The following NCKAP5 variants were observed in gnomAD, a reference collection of about 807,000 sequenced individuals.
The protein encoded by NCKAP5 is nck-associated protein 5.
In NCKAP5, 92 loss-of-function variants were observed where a neutral mutation model predicts 167.0. That is an observed-to-expected ratio of 0.55 (90% CI 0.47 to 0.66). The LOEUF (loss-of-function observed/expected upper bound fraction) is 0.66. NCKAP5 is among the 30% of genes least tolerant of loss of function. The probability of loss-of-function intolerance (pLI) is 0.00; values close to 1 mark genes in which losing one functional copy is unlikely to be tolerated. For missense variants in NCKAP5, 2,378 were observed against 2,315.0 expected (o/e 1.03, Z -0.56); for synonymous variants, 891 against 877.4 (o/e 1.02, Z -0.27).
Position 133,213,735 on chromosome 2 carries a change from C to T in NCKAP5, c.188G>A (p.Arg63Lys), listed in dbSNP as rs745520966. The T allele has an allele frequency of 6.2e-7, 1 of 1,613,768 alleles. No individual in the cohort carries two copies. Among genetic ancestry groups the T allele is most frequent in the Non-Finnish European group, 8.5e-7 (1 of 1,179,790 alleles). The change falls in exon 5 of 20, where the codon AGA (arginine) becomes AAA (lysine). Residue 63 changes from arginine to lysine, a missense_variant. Physicochemically the swap from Arg to Lys is conservative, Grantham distance 26. Around this residue, in one of 3 missense-constraint regions of NCKAP5, gnomAD observed 1,049 missense variants for 1,023.4 expected, o/e 1.02. Transcript: ENST00000409261. The stretch of plus-strand genomic sequence containing the variant: ...ACTTACCATGGCCCCCTCACTTGTT[C>T]TTTGGGCAACTTCTCGCTGTAGTCG... ...VARLQREVAQ[R>K]TSEGAMHEKL...
chr2:133,118,006 G>C (rs1401641931), intron 6 of NCKAP5: 2 of 152,156 alleles, frequency 1.3e-5, no homozygotes, highest in Non-Finnish European at 2.9e-5. Context: ...TTTGTATTCT[G>C]TTCTCTGAAC....
At chr2:132,943,390 A>G (rs1463224567) in intron 8 of NCKAP5, among the ~76,000 whole-genome samples, 1 of 152,258 alleles carries the variant, frequency 6.6e-6, no homozygotes, top group South Asian at 2.1e-4. Flanking sequence ...CATTAAATGT[A>G]AAAATGTGCC....
chr2:133,250,919 G>A (rs1243872095), intron 4 of NCKAP5, among the ~76,000 whole-genome samples: 1 of 151,718 alleles, frequency 6.6e-6, no homozygotes, highest in African/African-American at 2.4e-5. Context: ...GACAGGGTGA[G>A]ACCCTGTCTC....
At chr2:133,126,455 A>G (rs899982368) in intron 6 of NCKAP5, among the ~76,000 whole-genome samples, 1 of 152,212 alleles carries the variant, frequency 6.6e-6, no homozygotes, top group Non-Finnish European at 1.5e-5. Context: ...AGAGTACCGG[A>G]GTAGTTCCTA....
At chr2:133,546,314 T>C (rs1686671607) in intron 2 of NCKAP5, among the ~76,000 whole-genome samples, 1 of 151,998 alleles carries the variant, frequency 6.6e-6, no homozygotes, top group South Asian at 2.1e-4. Context: ...GCCCAAGAGA[T>C]TATGTATTTT....
At chr2:133,351,227 G>GAA (rs367559407) in intron 3 of NCKAP5, among the ~76,000 whole-genome samples, 43 of 147,256 alleles carry the variant, frequency 2.9e-4, no homozygotes, top group African/African-American at 1.0e-3. Flanking sequence ...CAGGAAAAAG[G>GAA]AAAAAAAAAA....
At chr2:133,119,537 T>A (rs2082188143) in intron 6 of NCKAP5, among the ~76,000 whole-genome samples, 1 of 152,130 alleles carries the variant, frequency 6.6e-6, no homozygotes, top group South Asian at 2.1e-4. Flanking sequence ...AGAGAATAAT[T>A]TGAATGTTTC....
At chr2:133,510,540 T>A (rs371452286) in intron 3 of NCKAP5, among the ~76,000 whole-genome samples, 96 of 152,266 alleles carry the variant, frequency 6.3e-4, no homozygotes, top group African/African-American at 2.2e-3. Flanking sequence ...CCTTCCCACC[T>A]CCATTCCTTT....
At position 133,092,602 on chromosome 2, in the gene NCKAP5, C is replaced by T. The variant is rs987086604; in HGVS notation, c.341+37376G>A. Among the ~76,000 whole-genome samples the T allele has an allele frequency of 1.8e-4, 27 of 151,656 alleles. No homozygotes were observed. The East Asian group carries it at 2.3e-3, about 13-fold the overall frequency. On this transcript the variant is annotated intron_variant, in intron 6 of 19. Transcript: ENST00000409261. The stretch of plus-strand genomic sequence containing the variant: ...CTAAAATAACATAATTTTTTTTCAA[C>T]GTCATTTCATTTTAACATTGATGAG...
intron 3 of NCKAP5, among the ~76,000 whole-genome samples, chr2:133,467,313 T>C (rs1692677206): frequency 6.6e-6 from 1 of 152,066 alleles, no homozygotes; most frequent in Non-Finnish European, 1.5e-5. Flanking sequence ...GGATTACATT[T>C]ATTGATTTGC....
intron 4 of NCKAP5, among the ~76,000 whole-genome samples, chr2:133,226,673 A>T (rs1189920454): frequency 5.3e-5 from 8 of 151,194 alleles, no homozygotes; most frequent in Non-Finnish European, 1.0e-4. Context: ...GAAAGCATAC[A>T]TTGAGGTGAC....
chr2:133,237,975 G>A (rs1184046640), intron 4 of NCKAP5, among the ~76,000 whole-genome samples: 1 of 152,128 alleles, frequency 6.6e-6, no homozygotes, highest in Non-Finnish European at 1.5e-5. Context: ...TCCTGCAGGA[G>A]GTGTTTCTGG....
intron 16 of NCKAP5, among the ~76,000 whole-genome samples, chr2:132,747,646 C>A (rs965539391): frequency 8.3e-6 from 1 of 120,864 alleles, no homozygotes; most frequent in African/African-American, 3.2e-5. Flanking sequence ...TGATTCAGGA[C>A]CTTACAGGTA....
At chr2:133,428,399 A>G (rs936283862) in intron 3 of NCKAP5, among the ~76,000 whole-genome samples, 1 of 152,130 alleles carries the variant, frequency 6.6e-6, no homozygotes, top group Non-Finnish European at 1.5e-5. Context: ...ATTATTCGGT[A>G]AATTATATGA....
chr2:133,455,092 A>G (rs1691764585), intron 3 of NCKAP5, among the ~76,000 whole-genome samples: 1 of 152,134 alleles, frequency 6.6e-6, no homozygotes, highest in Non-Finnish European at 1.5e-5. Context: ...TTGTAGCCAC[A>G]ACATGTCCAT....
intron 2 of NCKAP5, among the ~76,000 whole-genome samples, chr2:133,527,956 T>C (rs772779008): frequency 2.6e-5 from 4 of 152,098 alleles, no homozygotes; most frequent in African/African-American, 4.8e-5. Flanking sequence ...TCTCAGCTAC[T>C]TGAAAGGCTG....
Position 132,728,829 on chromosome 2 carries a change from G to A in NCKAP5, c.5567C>T (p.Ala1856Val). Residue 1856 changes from alanine to valine, a missense_variant, in exon 18 of 20, where the codon GCC becomes GTC. By Grantham distance (64) the Ala-to-Val change is moderately conservative (BLOSUM62 0). This residue lies in a region of NCKAP5 where 1,325 missense variants were observed against 1,274.5 expected (regional missense o/e 1.04). Transcript: ENST00000409261. ...PLPDWGSEVA[A>V]TGTQDKAPRM... is the part of the protein sequence containing the mutation. ...CCGACCCCTCACCTGGGTCCCGGTGGCAGCAACTTCACTCCCCCAGTCTGG... is the reference window on the plus strand; with the variant it reads ...CCGACCCCTCACCTGGGTCCCGGTGACAGCAACTTCACTCCCCCAGTCTGG... The A allele has an allele frequency of 6.2e-7, 1 of 1,613,816 alleles. No individual in the cohort carries two copies. Among genetic ancestry groups the A allele is most frequent in the Non-Finnish European group, 8.5e-7 (1 of 1,179,810 alleles).
intron 1 of NCKAP5, among the ~76,000 whole-genome samples, chr2:133,562,242 G>T (rs889471403): frequency 6.6e-6 from 1 of 151,892 alleles, no homozygotes; most frequent in South Asian, 2.1e-4. Flanking sequence ...TACACATATA[G>T]AGAAACACAT....
chr2:132,720,829 T>C (rs1299934094), intron 19 of NCKAP5, among the ~76,000 whole-genome samples: 1 of 151,878 alleles, frequency 6.6e-6, no homozygotes, highest in East Asian at 2.0e-4. Context: ...GCCAACATAA[T>C]GAAACTCCAT....
Sources: allele counts gnomAD v4.1 joint callset (sites outside exome capture counted in the v4.1 genomes callset), GRCh38; gene constraint gnomAD v4.1.1; regional missense constraint gnomAD v4.1.1; transcripts MANE v1.5; gene names NCBI Gene and HGNC (gene_info 2026-07-23, HGNC 2026-07-21).